Variants in EGF observed in about 807,000 individuals in gnomAD.
EGF encodes the protein epidermal growth factor, also known as pro-epidermal growth factor.
EGF carries 95 observed loss-of-function variants against 143.8 expected under a neutral mutation model. That is an observed-to-expected ratio of 0.66 (90% CI 0.56 to 0.78). The LOEUF is 0.78. Among genes scored for constraint, EGF ranks in the 30% least tolerant of loss-of-function variants. The probability of loss-of-function intolerance (pLI) is 0.00; values close to 1 mark genes in which losing one functional copy is unlikely to be tolerated. For missense variants in EGF, 1,320 were observed against 1,470.9 expected (o/e 0.90, Z 1.68); for synonymous variants, 510 against 510.5 (o/e 1.00, Z 0.01).
intron 12 of EGF, 33 bp from the exon 13 acceptor site, chr4:109,975,979 G>A (rs746785952): frequency 1.9e-6 from 3 of 1,578,354 alleles, no homozygotes; most frequent in Admixed American, 1.7e-5. Context: ...ATTTCATGCA[G>A]ATATTATTTG....
intron 1 of EGF, among the ~76,000 whole-genome samples, chr4:109,926,600 G>T (rs1001776453): frequency 2.6e-5 from 4 of 152,018 alleles, no homozygotes; most frequent in Admixed American, 6.6e-5. Context: ...CTCGTGGTCC[G>T]CCTGCCTCGG....
intron 5 of EGF, among the ~76,000 whole-genome samples, chr4:109,954,434 C>G (rs1024600): frequency 0.26 from 39,520 of 152,020 alleles, 5,528 homozygotes; most frequent in Middle Eastern, 0.37. Flanking sequence ...GATATGATAC[C>G]AAGTGGCTAA....
At chr4:110,001,673 T>C (rs1249012496) in intron 21 of EGF, 1 of 985,358 alleles carries the variant, frequency 1.0e-6, no homozygotes, top group East Asian at 1.1e-4. Flanking sequence ...AACGGCAAAT[T>C]GCTGGCTTTT....
chr4:109,957,285 G>A (rs1359897059), intron 5 of EGF, among the ~76,000 whole-genome samples: 1 of 152,138 alleles, frequency 6.6e-6, no homozygotes, highest in Non-Finnish European at 1.5e-5. Context: ...CCCCCTGACG[G>A]ATCAGGAGAG....
At chr4:110,001,708 T>C in intron 21 of EGF, 1 of 985,442 alleles carries the variant, frequency 1.0e-6, no homozygotes, top group Non-Finnish European at 1.2e-6. Flanking sequence ...AAAGACCAGC[T>C]CAGCTGAAAG....
intron 5 of EGF, among the ~76,000 whole-genome samples, chr4:109,947,833 G>A (rs930592723): frequency 2.6e-5 from 4 of 152,044 alleles, no homozygotes; most frequent in Non-Finnish European, 5.9e-5. Flanking sequence ...TTAGTTTATC[G>A]GTTTGTCACA....
chr4:110,007,337 C>T (rs572229455), intron 22 of EGF, among the ~76,000 whole-genome samples: 2 of 152,144 alleles, frequency 1.3e-5, no homozygotes, highest in Non-Finnish European at 2.9e-5. Flanking sequence ...ACCAATGAAG[C>T]GTGATCGGCC....
rs1334747202 is a variant in EGF, at chr4:109,980,146, A to G, written c.2221+7A>G. On this transcript the variant is annotated splice_region_variant and intron_variant, in intron 14 of 23. Transcript: ENST00000265171. The stretch of plus-strand genomic sequence containing the variant: ...CATCCATTGGCAAAACCAGGTACAT[A>G]CTGGAGATGTTACACAGTCTTTCCT... 6.3e-7 allele frequency: 1 copy of G among 1,597,192 alleles called. No individual in the cohort carries two copies. The highest frequency in any genetic ancestry group is 1.7e-5 in the Admixed American group (1 of 58,418).
rs778386346 is a variant in EGF, at chr4:109,994,768, C to A, written c.2893C>A (p.His965Asn). ...TPPPHLREDD[H>N]HYSVRNSDSE... ...ACCCCCTCACCTCAGGGAAGATGAC[C>A]ACCACTATTCCGTAAGAAATAGTGA... Residue 965 changes from histidine (H) to asparagine (N), a missense_variant, in exon 20 of 24, where the codon CAC (histidine) becomes AAC (asparagine). His to Asn is a moderately conservative substitution (Grantham distance 68). Transcript: ENST00000265171. The A allele has an allele frequency of 6.2e-7, 1 of 1,614,082 alleles. No individual in the cohort carries two copies. The highest frequency in any genetic ancestry group is 1.1e-5 in the South Asian group (1 of 91,078).
chr4:109,961,309 C>G (rs11568938), intron 7 of EGF, among the ~76,000 whole-genome samples: 2,209 of 152,164 alleles, frequency 0.015, 52 homozygotes, highest in African/African-American at 0.049. Flanking sequence ...GAGCCGAAAT[C>G]AAGCCACTGC....
Position 110,004,734 on chromosome 4 carries a change from C to CTGG in EGF, c.3291+115_3291+117dup, listed in dbSNP as rs1753032321. On this transcript the variant is annotated intron_variant, in intron 22 of 23. Coordinates refer to ENST00000265171, the MANE Select transcript of EGF (RefSeq NM_001963.6). Reference sequence around the variant, plus strand: ...GACTGGAATCAGTTATAGCTTCCAGCTGGTGTCAGTGTTAGCCAAGACCAC... The same window carrying CTGG: ...GACTGGAATCAGTTATAGCTTCCAGCTGGTGGTGTCAGTGTTAGCCAAGACCAC... 4.4e-6 allele frequency: 3 copies of CTGG among 688,366 alleles called. No individual in the cohort carries two copies. In the African/African-American group the frequency reaches 6.8e-5, roughly 16 times the overall value. The allele number at this position is 688,366 out of a possible 1,614,324, so 42.6% of individuals were successfully genotyped here. A position where few individuals can be genotyped will look rare whatever the true frequency, so the allele number is the denominator to read the frequency against.
At chr4:109,921,512 CTG>C (rs1218524196) in intron 1 of EGF, among the ~76,000 whole-genome samples, 3 of 151,586 alleles carry the variant, frequency 2.0e-5, no homozygotes, top group Admixed American at 6.6e-5. Flanking sequence ...CAGCCAACTG[CTG>C]TGACAGTGAT....
intron 4 of EGF, among the ~76,000 whole-genome samples, chr4:109,944,680 T>C (rs188359510): frequency 4.6e-5 from 7 of 152,260 alleles, no homozygotes; most frequent in African/African-American, 1.7e-4. Flanking sequence ...ATTATGATGT[T>C]ACATATTTTT....
chr4:109,914,751 C>G (rs1318039155), intron 1 of EGF, among the ~76,000 whole-genome samples: 1 of 152,144 alleles, frequency 6.6e-6, no homozygotes, highest in Non-Finnish European at 1.5e-5. Context: ...AAGAGGGTGA[C>G]AAATGACAAA....
chr4:109,973,454 A>ATCCTTCTCTGATCCCTGCT (rs2126095609), intron 11 of EGF, among the ~76,000 whole-genome samples: 1 of 152,102 alleles, frequency 6.6e-6, no homozygotes, highest in Admixed American at 6.6e-5. Flanking sequence ...ATCTTCAGGA[A>ATCCTTCTCTGATCCCTGCT]TCCTTCTCTG....
chr4:109,988,271 T>C, intron 17 of EGF, among the ~76,000 whole-genome samples: 1 of 152,058 alleles, frequency 6.6e-6, no homozygotes, highest in East Asian at 1.9e-4. Flanking sequence ...TGGGTTCCTA[T>C]TTTATATTAA....
intron 4 of EGF, 94 bp from the exon 5 acceptor site, chr4:109,944,979 A>G: frequency 7.3e-7 from 1 of 1,374,378 alleles, no homozygotes; most frequent in Non-Finnish European, 1.0e-6. Context: ...GTAGGTGGTT[A>G]AAACTTAGAC....
intron 5 of EGF, chr4:109,959,101 A>G (rs1334190488): frequency 7.9e-6 from 5 of 629,020 alleles, no homozygotes; most frequent in Non-Finnish European, 1.3e-5. Context: ...AGGATGCCCA[A>G]TCCTGAGAGG....
chr4:109,954,438 T>A (rs187063370), intron 5 of EGF, among the ~76,000 whole-genome samples: 2 of 152,348 alleles, frequency 1.3e-5, no homozygotes, highest in Admixed American at 1.3e-4. Context: ...TGATACCAAG[T>A]GGCTAAATTC....
Sources: allele counts gnomAD v4.1 joint callset (sites outside exome capture counted in the v4.1 genomes callset), GRCh38; gene constraint gnomAD v4.1.1; transcripts MANE v1.5; gene names NCBI Gene and HGNC (gene_info 2026-07-23, HGNC 2026-07-21).